Variants in NOP10 observed in about 807,000 individuals in gnomAD.
The protein encoded by NOP10 is NOP10 ribonucleoprotein.
A neutral mutation model predicts 9.5 loss-of-function variants in NOP10; 6 were observed. That is an observed-to-expected ratio of 0.63 (90% confidence interval 0.35 to 1.25). NOP10 has a LOEUF of 1.25. NOP10 is among the 50% of genes most tolerant of loss of function. NOP10 has a pLI of 0.03. For synonymous variants in NOP10, 28 were observed against 30.7 expected (o/e 0.91, Z 0.29); for missense variants, 75 against 81.3 (o/e 0.92, Z 0.30).
rs1196549241 is a variant in NOP10 at position 34,343,056 on chromosome 15, G to C, written c.18C>G (p.Tyr6Ter). 1.2e-6 allele frequency: 2 copies of C among 1,613,980 alleles called. No homozygotes were observed. The highest frequency in any genetic ancestry group is 2.2e-5 in the East Asian group (1 of 44,894). MFLQY[Y>*]LNEQGDRVYT... ...AGACTCGATCTCCCTGCTCGTTGAGGTAATACTGGAGAAACATGATCGCTT... is the reference window on the plus strand; with the variant it reads ...AGACTCGATCTCCCTGCTCGTTGAGCTAATACTGGAGAAACATGATCGCTT... The change falls in exon 1 of 2, where the codon TAC becomes TAG. Residue 6 changes from tyrosine to a stop codon, truncating the protein, a stop_gained. Transcript: ENST00000328848. LOFTEE classifies it high-confidence loss of function.
At chr15:34,342,900 C>T in intron 1 of NOP10, 120 bp downstream of exon 1, 1 of 986,998 alleles carries the variant, frequency 1.0e-6, no homozygotes, top group Non-Finnish European at 1.6e-6. Flanking sequence ...TTCTTCCCCA[C>T]CTCGGTTCTG....
rs1890483299 is a variant in NOP10 at position 34,341,930 on chromosome 15, G to A, written c.*38C>T. 1.2e-6 allele frequency: 2 copies of A among 1,610,814 alleles called. No individual in the cohort carries two copies. Among genetic ancestry groups the A allele is most frequent in the Non-Finnish European group, 1.7e-6 (2 of 1,178,428 alleles). ...AGTTTGGTTACGGAGTCTCCGAGGG[G>A]TAACAGGTGGCAGAAAAGACATCAG... is the stretch of plus-strand genomic sequence containing the variant. On this transcript the variant is annotated 3_prime_UTR_variant, in exon 2 of 2. Coordinates refer to ENST00000328848, the MANE Select transcript of NOP10 (RefSeq NM_018648.4).
rs902179018 is a variant in NOP10 at position 34,341,824 on chromosome 15, A to G, written c.*144T>C. 1.2e-6 allele frequency: 1 copy of G among 838,754 alleles called. No homozygotes were observed. The highest frequency in any genetic ancestry group is 1.4e-5 in the South Asian group (1 of 69,510). The allele number at this position is 838,754 out of a possible 1,614,324, so 52.0% of individuals were successfully genotyped here. A position where few individuals can be genotyped will look rare whatever the true frequency, so the allele number is the denominator to read the frequency against. On this transcript the variant is annotated 3_prime_UTR_variant, in exon 2 of 2. Transcript: ENST00000328848. Reference sequence around the variant, plus strand: ...GGTGATGCCACCATGATTGCCTCACACAAGCATAATCAATCGCCACGAGAG... The same window carrying G: ...GGTGATGCCACCATGATTGCCTCACGCAAGCATAATCAATCGCCACGAGAG...
intron 1 of NOP10, 146 bp from the exon 2 acceptor site, chr15:34,342,254 A>C: frequency 2.4e-6 from 2 of 820,784 alleles, no homozygotes; most frequent in Non-Finnish European, 4.1e-6. Flanking sequence ...AAAATTTAAA[A>C]AGGCCGAGCG....
chr15:34,342,561 CT>C (rs1284428467), intron 1 of NOP10, among the ~76,000 whole-genome samples: 2 of 106,716 alleles, frequency 1.9e-5, no homozygotes, highest in African/African-American at 7.8e-5. Flanking sequence ...GAGTCCCTGT[CT>C]TTAAAAAAAA....
intron 1 of NOP10, 92 bp downstream of exon 1, chr15:34,342,928 C>A: frequency 1.7e-6 from 2 of 1,209,110 alleles, no homozygotes; most frequent in Non-Finnish European, 2.5e-6. Flanking sequence ...TGGTTCCCCG[C>A]ACCCAGCTAG....
At chr15:34,342,904 G>T in intron 1 of NOP10, 116 bp downstream of exon 1, 2 of 1,007,784 alleles carry the variant, frequency 2.0e-6, no homozygotes, top group Non-Finnish European at 1.6e-6. Context: ...TCCCCACCTC[G>T]GTTCTGGACT....
rs749945545 is a variant in NOP10, at chr15:34,343,034, C to A, written c.40G>T (p.Val14Phe). The change falls in exon 1 of 2, where the codon GTC (valine) becomes TTC (phenylalanine). Residue 14 changes from valine (V) to phenylalanine (F), a missense_variant. Physicochemically the swap from Val to Phe is conservative, Grantham distance 50. Transcript: ENST00000328848. Reference protein sequence around the residue: ...QYYLNEQGDRVYTLKKFDPMG... With the variant: ...QYYLNEQGDRFYTLKKFDPMG... ...TCTCTCCTCACCTTCAGCGTATAGA[C>A]TCGATCTCCCTGCTCGTTGAGGTAA... 2 of 1,614,066 alleles carry A rather than the reference C, an allele frequency of 1.2e-6. No homozygotes were observed. The highest frequency in any genetic ancestry group is 2.7e-5 in the African/African-American group (2 of 74,926).
rs749924715 is a variant in NOP10 at position 34,341,752 on chromosome 15, A to G, written c.*216T>C. 8 of 587,400 alleles carry G rather than the reference A, an allele frequency of 1.4e-5. No homozygotes were observed. The highest frequency in any genetic ancestry group is 2.1e-5 in the Non-Finnish European group (7 of 326,260). The allele number at this position is 587,400 out of a possible 1,614,324, so 36.4% of individuals were successfully genotyped here. ...ATCATTTTATCTTTAATAATCTTGTAGTAATTTAAAATATGAGAAAAAAAA... is the reference window on the plus strand; with the variant it reads ...ATCATTTTATCTTTAATAATCTTGTGGTAATTTAAAATATGAGAAAAAAAA... On this transcript the variant is annotated 3_prime_UTR_variant, in exon 2 of 2. Coordinates refer to ENST00000328848, the MANE Select transcript of NOP10 (RefSeq NM_018648.4).
Position 34,343,000 on chromosome 15 carries a change from A to G in NOP10, c.54+20T>C. On this transcript the variant is annotated intron_variant, in intron 1 of 1. Coordinates refer to ENST00000328848, the MANE Select transcript of NOP10 (RefSeq NM_018648.4). ...TACATTTCTCGCCATGCCTATTTAC[A>G]CCCTGTTTTCTCTCCTCACCTTCAG... 6.2e-7 allele frequency: 1 copy of G among 1,610,116 alleles called. No homozygotes were observed. The highest frequency in any genetic ancestry group is 8.5e-7 in the Non-Finnish European group (1 of 1,176,642).
Position 34,342,074 on chromosome 15 carries a change from G to C in NOP10, c.89C>G (p.Ala30Gly), listed in dbSNP as rs748193565. The stretch of plus-strand genomic sequence containing the variant: ...ATCTGGGGAGAACCGAGCAGGATGG[G>C]CTGAGCAGGTCTGTTGTCCCATCGG... ...FDPMGQQTCS[A>G]HPARFSPDDK... Residue 30 changes from alanine to glycine, a missense_variant, in exon 2 of 2, where the codon GCC becomes GGC. Physicochemically the swap from Ala to Gly is moderately conservative, Grantham distance 60. Coordinates refer to ENST00000328848, the MANE Select transcript of NOP10 (RefSeq NM_018648.4). The C allele has an allele frequency of 1.9e-6, 3 of 1,614,064 alleles. No individual in the cohort carries two copies. In the South Asian group the frequency reaches 3.3e-5, roughly 18 times the overall value.
intron 1 of NOP10, 43 bp downstream of exon 1, chr15:34,342,977 C>T (rs368189392): frequency 6.4e-7 from 1 of 1,574,444 alleles, no homozygotes; most frequent in Non-Finnish European, 8.7e-7. Flanking sequence ...CTCCCATCTA[C>T]ATTTCTCGCC....
At chr15:34,342,906 T>C in intron 1 of NOP10, 114 bp downstream of exon 1, 1 of 1,022,354 alleles carries the variant, frequency 9.8e-7, no homozygotes. Flanking sequence ...CCCACCTCGG[T>C]TCTGGACTTT....
intron 1 of NOP10, among the ~76,000 whole-genome samples, chr15:34,342,718 T>C (rs989226829): frequency 6.6e-6 from 1 of 152,078 alleles, no homozygotes; most frequent in Non-Finnish European, 1.5e-5. Flanking sequence ...GGCTAATTTT[T>C]TGTATTTTAG....
intron 1 of NOP10, among the ~76,000 whole-genome samples, 153 bp downstream of exon 1, chr15:34,342,867 A>C (rs1178745593): frequency 6.6e-6 from 1 of 152,094 alleles, no homozygotes; most frequent in Non-Finnish European, 1.5e-5. Context: ...CTTTTAATTA[A>C]AAAATGAGTC....
In NOP10 at chr15:34,341,735, A is replaced by C. The variant is rs762234908; in HGVS notation, c.*233T>G. The stretch of plus-strand genomic sequence containing the variant: ...AAATAAGAGTTTTTCAAATCATTTT[A>C]TCTTTAATAATCTTGTAGTAATTTA... On this transcript the variant is annotated 3_prime_UTR_variant, in exon 2 of 2. Coordinates refer to ENST00000328848, the MANE Select transcript of NOP10 (RefSeq NM_018648.4). The C allele has an allele frequency of 9.5e-5, 52 of 546,040 alleles. No homozygotes were observed. Among genetic ancestry groups the C allele is most frequent in the Non-Finnish European group, 1.5e-4 (47 of 303,830 alleles). The allele number at this position is 546,040 out of a possible 1,614,324, so 33.8% of individuals were successfully genotyped here. A position where few individuals can be genotyped will look rare whatever the true frequency, so the allele number is the denominator to read the frequency against.
chr15:34,342,126 A>C lies in NOP10; in HGVS notation c.55-18T>G. 6.2e-7 allele frequency: 1 copy of C among 1,613,702 alleles called. No individual in the cohort carries two copies. Among genetic ancestry groups the C allele is most frequent in the South Asian group, 1.1e-5 (1 of 91,068 alleles). ...TCAAATTTCTGCTCCAGGAACACAG[A>C]ATGTATGTCAGTACAGGAGTGATGA... is the stretch of plus-strand genomic sequence containing the variant. On this transcript the variant is annotated intron_variant, in intron 1 of 1. Transcript: ENST00000328848.
At chr15:34,342,542 C>T (rs1890498747) in intron 1 of NOP10, among the ~76,000 whole-genome samples, 1 of 129,196 alleles carries the variant, frequency 7.7e-6, no homozygotes, top group Admixed American at 8.9e-5. Context: ...ACAGCCTAGG[C>T]AACAAAGCGA....
At chr15:34,342,610 T>C (rs1890501027) in intron 1 of NOP10, among the ~76,000 whole-genome samples, 1 of 146,990 alleles carries the variant, frequency 6.8e-6, no homozygotes, top group Non-Finnish European at 1.5e-5. Context: ...GCAATGGCGC[T>C]ATCCCGGCTC....
Sources: allele counts gnomAD v4.1 joint callset (sites outside exome capture counted in the v4.1 genomes callset), GRCh38; gene constraint gnomAD v4.1.1; transcripts MANE v1.5; gene names NCBI Gene and HGNC (gene_info 2026-07-23, HGNC 2026-07-21).